LINGO2: variants seen among roughly 807,000 people sequenced by gnomAD.
LINGO2 encodes the protein leucine-rich repeat and immunoglobulin-like domain-containing nogo receptor-interacting protein 2.
A neutral mutation model predicts 30.6 loss-of-function variants in LINGO2; 14 were observed. That is an observed-to-expected ratio of 0.46 (90% CI 0.30 to 0.72). LINGO2 has a LOEUF of 0.72. Ranked by LOEUF, LINGO2 falls within the 30% of genes least tolerant of loss-of-function variation. LINGO2 has a pLI of 0.07. For synonymous variants in LINGO2, 317 were observed against 288.5 expected (o/e 1.10, Z -1.00); for missense variants, 729 against 751.7 (o/e 0.97, Z 0.35).
At chr9:28,991,366 GA>G in the LINGO2 span, among the ~76,000 whole-genome samples, 1 of 151,486 alleles carries the variant, frequency 6.6e-6, no homozygotes, top group South Asian at 2.1e-4. Context: ...GGGACTATGT[GA>G]AAAGACCAAA....
At chr9:28,969,977 T>G in the LINGO2 span, among the ~76,000 whole-genome samples, 4 of 152,212 alleles carry the variant, frequency 2.6e-5, no homozygotes, top group Non-Finnish European at 5.9e-5. Context: ...GAGAGTTTGA[T>G]CTAGAAATAT....
intron 1 of LINGO2, among the ~76,000 whole-genome samples, chr9:28,524,626 A>T (rs1485685922): frequency 1.3e-5 from 2 of 152,074 alleles, no homozygotes; most frequent in African/African-American, 4.8e-5. Flanking sequence ...GGTGGTGTGC[A>T]CCTGTAATCC....
chr9:28,012,824 A>T (rs753239400), intron 4 of LINGO2, among the ~76,000 whole-genome samples: 4 of 152,004 alleles, frequency 2.6e-5, no homozygotes, highest in Non-Finnish European at 4.4e-5. Flanking sequence ...CTCCATTCAA[A>T]AACTGTCTAT....
At chr9:28,092,380 G>A (rs558371272) in intron 4 of LINGO2, among the ~76,000 whole-genome samples, 62 of 152,130 alleles carry the variant, frequency 4.1e-4, no homozygotes, top group South Asian at 3.9e-3. Flanking sequence ...AAAATGATGA[G>A]TTCATGTCCT....
chr9:29,087,379 A>G, the LINGO2 span, among the ~76,000 whole-genome samples: 1 of 152,180 alleles, frequency 6.6e-6, no homozygotes, highest in Non-Finnish European at 1.5e-5. Flanking sequence ...GCCGCTAGTA[A>G]ATGGAAGCTA....
chr9:29,027,561 C>A, the LINGO2 span, among the ~76,000 whole-genome samples: 1 of 152,142 alleles, frequency 6.6e-6, no homozygotes, highest in Non-Finnish European at 1.5e-5. Context: ...TGGTCTTGAA[C>A]TACTGACCCC....
the LINGO2 span, among the ~76,000 whole-genome samples, chr9:29,167,135 A>C: frequency 1.3e-5 from 2 of 152,110 alleles, no homozygotes; most frequent in Admixed American, 6.5e-5. Flanking sequence ...TTTATTCTTC[A>C]TCACTTTTCA....
chr9:29,197,532 G>A, the LINGO2 span, among the ~76,000 whole-genome samples: 2 of 151,988 alleles, frequency 1.3e-5, no homozygotes, highest in African/African-American at 2.4e-5. Context: ...GCATTTATAC[G>A]CCAGAATGGT....
chr9:27,937,856 G>T, the LINGO2 span: 6 of 152,002 alleles, frequency 3.9e-5, no homozygotes, highest in African/African-American at 1.4e-4. Flanking sequence ...TTGTTGAAAA[G>T]AATTTGTCCT....
intron 1 of LINGO2, among the ~76,000 whole-genome samples, chr9:28,606,533 T>A (rs1825701210): frequency 6.6e-6 from 1 of 152,038 alleles, no homozygotes; most frequent in Non-Finnish European, 1.5e-5. Flanking sequence ...CATTTAAGGA[T>A]AATACAGACT....
intron 4 of LINGO2, among the ~76,000 whole-genome samples, chr9:28,035,034 C>G (rs575272126): frequency 1.3e-5 from 2 of 152,346 alleles, no homozygotes; most frequent in African/African-American, 4.8e-5. Context: ...AACTCAACAT[C>G]CATGCAACTC....
intron 2 of LINGO2, among the ~76,000 whole-genome samples, chr9:28,474,625 A>G (rs1477746647): frequency 1.3e-5 from 2 of 152,128 alleles, no homozygotes; most frequent in Admixed American, 1.3e-4. Flanking sequence ...TTGGAAGTTG[A>G]TCTTCTTGTC....
At chr9:28,898,621 T>C in the LINGO2 span, among the ~76,000 whole-genome samples, 2 of 152,098 alleles carry the variant, frequency 1.3e-5, no homozygotes, top group African/African-American at 2.4e-5. Flanking sequence ...AACGCTAAAT[T>C]TGATGATAAG....
At chr9:28,679,340 C>A in the LINGO2 span, among the ~76,000 whole-genome samples, 1 of 152,094 alleles carries the variant, frequency 6.6e-6, no homozygotes, top group East Asian at 1.9e-4. Flanking sequence ...CATGATTTAT[C>A]TTCTAATCTT....
At chr9:28,932,244 C>T in the LINGO2 span, among the ~76,000 whole-genome samples, 1 of 151,832 alleles carries the variant, frequency 6.6e-6, no homozygotes, top group Non-Finnish European at 1.5e-5. Context: ...TATTTGGGAA[C>T]ATTCATTCTT....
chr9:29,017,168 C>A, the LINGO2 span, among the ~76,000 whole-genome samples: 1 of 48,592 alleles, frequency 2.1e-5, no homozygotes, highest in Non-Finnish European at 5.0e-5. Context: ...TGTTGTTTAT[C>A]ATACTATGTA....
At chr9:27,944,759 A>T (rs1295689629), downstream of LINGO2, among the ~76,000 whole-genome samples, 1 of 152,146 alleles carries the variant, frequency 6.6e-6, no homozygotes, top group Non-Finnish European at 1.5e-5. Flanking sequence ...CTAAGTGCTG[A>T]GTAGAATGAA....
At chr9:28,233,441 C>A (rs1188589198) in intron 4 of LINGO2, among the ~76,000 whole-genome samples, 1 of 151,966 alleles carries the variant, frequency 6.6e-6, no homozygotes, top group Admixed American at 6.6e-5. Flanking sequence ...GAATGACACT[C>A]CCAAACACCT....
At chr9:28,104,753 T>C (rs1045230113) in intron 4 of LINGO2, among the ~76,000 whole-genome samples, 4 of 152,186 alleles carry the variant, frequency 2.6e-5, no homozygotes, top group Middle Eastern at 3.2e-3. Context: ...TTAACACTGA[T>C]GTGCTTTCTT....
Sources: allele counts gnomAD v4.1 joint callset (sites outside exome capture counted in the v4.1 genomes callset), GRCh38; gene constraint gnomAD v4.1.1; transcripts MANE v1.5; gene names NCBI Gene and HGNC (gene_info 2026-07-23, HGNC 2026-07-21).